RFPL2: variants seen among roughly 807,000 people sequenced by gnomAD.
The protein encoded by RFPL2 is ret finger protein like 2.
Under a neutral mutation model 17.8 loss-of-function variants are expected in RFPL2, and 13 were observed. The observed-to-expected ratio is 0.73, with a 90% confidence interval of 0.47 to 1.16. RFPL2 has a LOEUF of 1.16. RFPL2 is among the 50% of genes most tolerant of loss of function. The pLI, the probability that RFPL2 is intolerant of heterozygous loss-of-function variation, is 0.00. For missense variants in RFPL2, 431 were observed against 479.3 expected, an observed-to-expected ratio of 0.90 and a Z score of 0.94; for synonymous variants, 189 against 180.9, an observed-to-expected ratio of 1.04 and a Z score of -0.36.
intron 2 of RFPL2, among the ~76,000 whole-genome samples, chr22:32,195,570 C>T (rs984007137): frequency 2.0e-5 from 3 of 152,104 alleles, no homozygotes; most frequent in African/African-American, 7.2e-5. Flanking sequence ...ATTCTCCTGC[C>T]TCAGCCTCCT....
chr22:32,191,406 C>T (rs1171624003), intron 4 of RFPL2, 54 bp from the exon 5 acceptor site: 17 of 1,542,526 alleles, frequency 1.1e-5, no homozygotes, highest in Non-Finnish European at 1.4e-5. Context: ...AACCCTATGC[C>T]TCTCTTCTAC....
rs563967738 is a variant in RFPL2 at position 32,195,804 on chromosome 22, C to T, written c.120-1314G>A. On this transcript the variant is annotated intron_variant, in intron 2 of 4. Coordinates refer to ENST00000652607, the MANE Select transcript of RFPL2 (RefSeq NM_001394555.1). Reference sequence around the variant, plus strand: ...ATGGGAGCCTTCAGAATCCTCTTAACTTTCTGAAAATATGCAATCATGTAT... The same window carrying T: ...ATGGGAGCCTTCAGAATCCTCTTAATTTTCTGAAAATATGCAATCATGTAT... 8.5e-5 allele frequency among the ~76,000 whole-genome samples: 13 copies of T among 152,200 alleles called. No individual in the cohort carries two copies. The South Asian group carries it at 2.7e-3, about 32-fold the overall frequency.
chr22:32,204,552 C>T (rs1213380502), intron 1 of RFPL2, among the ~76,000 whole-genome samples, 155 bp downstream of exon 1: 1 of 152,238 alleles, frequency 6.6e-6, no homozygotes, highest in Non-Finnish European at 1.5e-5. Flanking sequence ...CCCCCTGCCG[C>T]AGGCAGTGAG....
At chr22:32,197,379 A>G (rs1387747760) in intron 2 of RFPL2, among the ~76,000 whole-genome samples, 4 of 151,962 alleles carry the variant, frequency 2.6e-5, no homozygotes, top group Non-Finnish European at 5.9e-5. Context: ...ACAGTCCAGA[A>G]GCCAAGTTCT....
At chr22:32,198,901 C>G (rs1037893644) in intron 2 of RFPL2, among the ~76,000 whole-genome samples, 1 of 152,168 alleles carries the variant, frequency 6.6e-6, no homozygotes, top group African/African-American at 2.4e-5. Context: ...TGTCCTCCCC[C>G]GTCTGGGCTT....
intron 1 of RFPL2, chr22:32,203,149 A>C: frequency 1.1e-6 from 1 of 934,506 alleles, no homozygotes; most frequent in Non-Finnish European, 1.3e-6. Flanking sequence ...ATCCGTGCCT[A>C]GTACATGCAG....
chr22:32,192,870 T>C (rs777217753), intron 4 of RFPL2, 32 bp downstream of exon 4: 1 of 1,570,952 alleles, frequency 6.4e-7, no homozygotes, highest in African/African-American at 1.4e-5. Context: ...GGTCTGGTCT[T>C]GGGAAGGGGG....
At chr22:32,196,948 C>T (rs1236915064) in intron 2 of RFPL2, among the ~76,000 whole-genome samples, 2 of 152,182 alleles carry the variant, frequency 1.3e-5, no homozygotes, top group Non-Finnish European at 2.9e-5. Context: ...AATTGACATT[C>T]ATGGTTTGAG....
chr22:32,196,490 C>T (rs1244280613), intron 2 of RFPL2, among the ~76,000 whole-genome samples: 3 of 152,024 alleles, frequency 2.0e-5, no homozygotes, highest in African/African-American at 4.8e-5. Context: ...GCCAGGTTAA[C>T]TTTACGTGAT....
At chr22:32,201,776 C>T (rs1049070052) in intron 2 of RFPL2, among the ~76,000 whole-genome samples, 1 of 152,086 alleles carries the variant, frequency 6.6e-6, no homozygotes, top group Non-Finnish European at 1.5e-5. Flanking sequence ...TTGCATTGTC[C>T]CTGCTCTGTA....
chr22:32,196,667 A>C (rs1923370412), intron 2 of RFPL2, among the ~76,000 whole-genome samples: 1 of 152,232 alleles, frequency 6.6e-6, no homozygotes, highest in African/African-American at 2.4e-5. Flanking sequence ...AAAGAGTGTG[A>C]GAATGACTTA....
chr22:32,197,506 C>G (rs976153841), intron 2 of RFPL2, among the ~76,000 whole-genome samples: 7 of 152,124 alleles, frequency 4.6e-5, no homozygotes, highest in Admixed American at 3.9e-4. Flanking sequence ...ATGCTGCGCC[C>G]GTTAACTCGT....
chr22:32,204,301 A>AC (rs1400253170), intron 1 of RFPL2, among the ~76,000 whole-genome samples: 3 of 150,078 alleles, frequency 2.0e-5, no homozygotes, highest in Non-Finnish European at 4.5e-5. Flanking sequence ...CCCAACCCGT[A>AC]CCCCAGCGCG....
chr22:32,197,604 G>A (rs1292687293), intron 2 of RFPL2, among the ~76,000 whole-genome samples: 9 of 152,086 alleles, frequency 5.9e-5, no homozygotes, highest in African/African-American at 1.9e-4. Flanking sequence ...TCCCCACCCT[G>A]TGTCCAAGTG....
At chr22:32,195,256 G>A (rs1292184045) in intron 2 of RFPL2, among the ~76,000 whole-genome samples, 5 of 152,102 alleles carry the variant, frequency 3.3e-5, no homozygotes, top group Admixed American at 6.5e-5. Context: ...CCTAATTTTG[G>A]TCAGCTTTAA....
chr22:32,198,435 C>A (rs973180129), intron 2 of RFPL2, among the ~76,000 whole-genome samples: 2 of 151,044 alleles, frequency 1.3e-5, no homozygotes, highest in Non-Finnish European at 1.5e-5. Flanking sequence ...CAAATGCCCA[C>A]CGGGGTCAGT....
At position 32,194,467 on chromosome 22, in the gene RFPL2, T is replaced by C. The variant is rs1460690517; in HGVS notation, c.143A>G (p.Glu48Gly). ...SLSLIRLEGV[E>G]GRDPVGGGNL... is the part of the protein sequence containing the mutation. ...CCCACCTCCCACTGGGTCACGCCCTTCCACACCCTCTAACCTGATGAGGCT... is the reference window on the plus strand; with the variant it reads ...CCCACCTCCCACTGGGTCACGCCCTCCCACACCCTCTAACCTGATGAGGCT... The change falls in exon 3 of 5, where the codon GAA (glutamate) becomes GGA (glycine). Residue 48 changes from glutamate to glycine, a missense_variant. Glu to Gly is a moderately conservative substitution (Grantham distance 98). Transcript: ENST00000652607. The C allele has an allele frequency of 6.2e-7, 1 of 1,611,732 alleles. No individual in the cohort carries two copies. Among genetic ancestry groups the C allele is most frequent in the Non-Finnish European group, 8.5e-7 (1 of 1,179,316 alleles).
Position 32,192,901 on chromosome 22 carries a change from C to T in RFPL2, c.556+1G>A. The T allele has an allele frequency of 1.2e-6, 2 of 1,607,872 alleles. No individual in the cohort carries two copies. The highest frequency in any genetic ancestry group is 1.7e-6 in the Non-Finnish European group (2 of 1,176,952). On this transcript the variant is annotated splice_donor_variant, in intron 4 of 4. Transcript: ENST00000652607. LOFTEE classifies it high-confidence loss of function. ...GGGGGCAGGGTATACAGATGCCTTACCTTGGAACTTCCGCATCCTTGGGTT... is the reference window on the plus strand; with the variant it reads ...GGGGGCAGGGTATACAGATGCCTTATCTTGGAACTTCCGCATCCTTGGGTT...
intron 1 of RFPL2, chr22:32,203,128 G>A (rs942642040): frequency 1.0e-6 from 1 of 974,684 alleles, no homozygotes; most frequent in Non-Finnish European, 1.2e-6. Context: ...CCCAGATGGC[G>A]CCCCTAACTC....
Sources: allele counts gnomAD v4.1 joint callset (sites outside exome capture counted in the v4.1 genomes callset), GRCh38; gene constraint gnomAD v4.1.1; transcripts MANE v1.5; gene names NCBI Gene and HGNC (gene_info 2026-07-23, HGNC 2026-07-21).